Variants in RABGAP1L observed in about 807,000 individuals in gnomAD.
RABGAP1L encodes the protein RAB GTPase activating protein 1 like, also known as rab GTPase-activating protein 1-like.
RABGAP1L carries 63 observed loss-of-function variants against 137.7 expected under a neutral mutation model. The observed-to-expected ratio is 0.46, with a 90% CI of 0.37 to 0.56. The LOEUF (loss-of-function observed/expected upper bound fraction) is 0.56. Ranked by LOEUF, RABGAP1L falls within the 20% of genes least tolerant of loss-of-function variation. RABGAP1L has a pLI of 0.00. For synonymous variants in RABGAP1L, 431 were observed against 433.7 expected (o/e 0.99, Z 0.08); for missense variants, 1,095 against 1,244.0 (o/e 0.88, Z 1.80).
intron 13 of RABGAP1L, among the ~76,000 whole-genome samples, chr1:174,431,798 A>G (rs1270774513): frequency 6.6e-6 from 1 of 152,206 alleles, no homozygotes; most frequent in Non-Finnish European, 1.5e-5. Flanking sequence ...GTTAATAGTG[A>G]TGATCCTAGG....
chr1:174,640,909 G>A (rs1035800002), intron 14 of RABGAP1L, among the ~76,000 whole-genome samples: 1 of 146,282 alleles, frequency 6.8e-6, no homozygotes, highest in Non-Finnish European at 1.5e-5. Flanking sequence ...ACAATTGTAG[G>A]CCTTTTTTTT....
chr1:174,471,037 GA>G (rs140550042), intron 13 of RABGAP1L, among the ~76,000 whole-genome samples: 2 of 150,040 alleles, frequency 1.3e-5, no homozygotes, highest in South Asian at 2.1e-4. Context: ...AGGTATTTAG[GA>G]AAAAAAAACA....
chr1:174,811,829 C>A lies in RABGAP1L; in HGVS notation c.2212-3C>A. ...ATGACGATTCTTGATGATTATTTTG[C>A]AGACCTCAAAGGAAGACCTTCTGCA... On this transcript the variant is annotated splice_polypyrimidine_tract_variant and splice_region_variant and intron_variant, in intron 18 of 25. Transcript: ENST00000681986. 6.4e-7 allele frequency: 1 copy of A among 1,551,754 alleles called. No individual in the cohort carries two copies. Among genetic ancestry groups the A allele is most frequent in the Non-Finnish European group, 8.7e-7 (1 of 1,152,364 alleles).
chr1:174,741,328 G>C (rs1211081491), intron 17 of RABGAP1L, among the ~76,000 whole-genome samples: 1 of 151,986 alleles, frequency 6.6e-6, no homozygotes, highest in East Asian at 1.9e-4. Flanking sequence ...GTTTATTGAA[G>C]AGATTGTCCT....
chr1:174,510,238 G>A (rs776909505), intron 13 of RABGAP1L, among the ~76,000 whole-genome samples: 3 of 152,020 alleles, frequency 2.0e-5, no homozygotes, highest in South Asian at 2.1e-4. Context: ...CCTCAGATAC[G>A]TTATGTTATT....
intron 11 of RABGAP1L, among the ~76,000 whole-genome samples, chr1:174,332,074 G>C (rs1571258845): frequency 6.6e-6 from 1 of 152,136 alleles, no homozygotes; most frequent in East Asian, 1.9e-4. Context: ...AATTTGTGAA[G>C]TAGCAAGAGA....
chr1:174,288,199 A>C (rs1676245519), intron 10 of RABGAP1L, among the ~76,000 whole-genome samples: 1 of 152,172 alleles, frequency 6.6e-6, no homozygotes, highest in African/African-American at 2.4e-5. Flanking sequence ...TATTTTTAAT[A>C]TGTTTGTTTT....
intron 13 of RABGAP1L, among the ~76,000 whole-genome samples, chr1:174,447,126 A>G (rs1463496003): frequency 6.6e-6 from 1 of 152,346 alleles, no homozygotes; most frequent in South Asian, 2.1e-4. Flanking sequence ...AATAGCAAAA[A>G]TAATTCATTT....
intron 19 of RABGAP1L, among the ~76,000 whole-genome samples, chr1:174,952,893 A>T (rs559764796): frequency 6.6e-6 from 1 of 152,144 alleles, no homozygotes; most frequent in African/African-American, 2.4e-5. Context: ...CCTGGCCAAA[A>T]TAAGTTTTAT....
At position 174,991,541 on chromosome 1, in the gene RABGAP1L, G is replaced by A. The variant is rs1214898015; in HGVS notation, c.*1540G>A. ...CTTTTCCTCTAAAATGATCTTTTAT[G>A]TTCTAAAAAGTGAAATCCCCTTTAT... On this transcript the variant is annotated 3_prime_UTR_variant, in exon 26 of 26. Coordinates refer to ENST00000681986, the MANE Select transcript of RABGAP1L (RefSeq NM_001366446.1). 6.6e-6 allele frequency: 1 copy of A among 152,126 alleles called. No homozygotes were observed. The highest frequency in any genetic ancestry group is 1.9e-4 in the East Asian group (1 of 5,180). The allele number at this position is 152,126 out of a possible 1,614,324, so 9.4% of individuals were successfully genotyped here.
chr1:174,161,521 T>A (rs1045634240), intron 1 of RABGAP1L, among the ~76,000 whole-genome samples: 1 of 152,082 alleles, frequency 6.6e-6, no homozygotes, highest in Non-Finnish European at 1.5e-5. Flanking sequence ...ATTACAGGCG[T>A]TAGCCACAGC....
chr1:174,348,766 G>C (rs1682696909), intron 11 of RABGAP1L, among the ~76,000 whole-genome samples: 1 of 150,386 alleles, frequency 6.6e-6, no homozygotes, highest in Non-Finnish European at 1.5e-5. Flanking sequence ...AGAGAGCACA[G>C]GGTTGGGGGT....
At chr1:174,476,429 C>T (rs77615591) in intron 13 of RABGAP1L, among the ~76,000 whole-genome samples, 2 of 151,980 alleles carry the variant, frequency 1.3e-5, no homozygotes, top group East Asian at 3.9e-4. Flanking sequence ...AGTTTTTTTC[C>T]TAATTTATGC....
chr1:174,449,432 A>G (rs1655180156), intron 13 of RABGAP1L, among the ~76,000 whole-genome samples: 1 of 152,208 alleles, frequency 6.6e-6, no homozygotes, highest in Non-Finnish European at 1.5e-5. Flanking sequence ...AGTGTGCAGT[A>G]ATAGGAAAAA....
intron 10 of RABGAP1L, among the ~76,000 whole-genome samples, chr1:174,286,010 G>C (rs999641444): frequency 6.6e-6 from 1 of 152,130 alleles, no homozygotes; most frequent in Non-Finnish European, 1.5e-5. Context: ...TTTTGCATCT[G>C]TGTTCATTTG....
At chr1:174,377,034 G>A (rs1174329242) in intron 12 of RABGAP1L, among the ~76,000 whole-genome samples, 1 of 152,096 alleles carries the variant, frequency 6.6e-6, no homozygotes, top group Non-Finnish European at 1.5e-5. Flanking sequence ...AGATCAATAT[G>A]TGCACATCAG....
intron 9 of RABGAP1L, among the ~76,000 whole-genome samples, chr1:174,278,237 T>C (rs2148676312): frequency 6.6e-6 from 1 of 152,116 alleles, no homozygotes; most frequent in African/African-American, 2.4e-5. Context: ...ACCCCGTCTG[T>C]AGTAAAAATA....
chr1:174,819,341 TA>T (rs891382393), intron 19 of RABGAP1L, among the ~76,000 whole-genome samples: 22 of 152,090 alleles, frequency 1.4e-4, no homozygotes, highest in Middle Eastern at 6.8e-3. Flanking sequence ...TCTTTAATGC[TA>T]AAAAAATTTC....
At chr1:174,877,954 A>G (rs901534872) in intron 19 of RABGAP1L, among the ~76,000 whole-genome samples, 2 of 152,228 alleles carry the variant, frequency 1.3e-5, no homozygotes, top group Non-Finnish European at 2.9e-5. Context: ...CCAGTGAGTA[A>G]TAACATCATC....
Sources: allele counts gnomAD v4.1 joint callset (sites outside exome capture counted in the v4.1 genomes callset), GRCh38; gene constraint gnomAD v4.1.1; transcripts MANE v1.5; gene names NCBI Gene and HGNC (gene_info 2026-07-23, HGNC 2026-07-21).